Variants in ARID1B observed in about 807,000 individuals in gnomAD.
The protein encoded by ARID1B is AT-rich interactive domain-containing protein 1B.
Under a neutral mutation model 212.3 loss-of-function variants are expected in ARID1B, and 30 were observed. The ratio of observed to expected loss-of-function variants is 0.14; its 90% CI spans 0.11 to 0.19. The LOEUF (loss-of-function observed/expected upper bound fraction) is 0.19. ARID1B is among the 10% of genes least tolerant of loss of function. ARID1B has a pLI of 1.00. For missense variants in ARID1B, 2,891 were observed against 3,204.0 expected (o/e 0.90, Z 2.36); for synonymous variants, 1,402 against 1,301.7 (o/e 1.08, Z -1.66).
chr6:157,007,205 C>CT (rs1309249743), intron 4 of ARID1B, among the ~76,000 whole-genome samples: 1 of 152,186 alleles, frequency 6.6e-6, no homozygotes, highest in African/African-American at 2.4e-5. Flanking sequence ...AATGGAAATT[C>CT]TTTGAGACTA....
chr6:156,811,983 T>C (rs565427244), intron 1 of ARID1B, among the ~76,000 whole-genome samples: 1 of 152,356 alleles, frequency 6.6e-6, no homozygotes, highest in Non-Finnish European at 1.5e-5. Context: ...TCAACTAAAA[T>C]AGTGGTTGGC....
intron 12 of ARID1B, among the ~76,000 whole-genome samples, chr6:157,181,810 C>T (rs1182986054): frequency 6.6e-6 from 1 of 152,158 alleles, no homozygotes; most frequent in Non-Finnish European, 1.5e-5. Flanking sequence ...TCACTGTAGC[C>T]CTCGCTCCTT....
At chr6:157,175,122 T>C in intron 11 of ARID1B, 117 bp downstream of exon 11, 1 of 920,020 alleles carries the variant, frequency 1.1e-6, no homozygotes, top group Non-Finnish European at 1.5e-6. Context: ...AGACTTTTTC[T>C]TCATTATTTA....
intron 4 of ARID1B, among the ~76,000 whole-genome samples, chr6:157,081,993 G>T (rs930535698): frequency 1.3e-5 from 2 of 151,982 alleles, no homozygotes; most frequent in South Asian, 2.1e-4. Context: ...TCTGACTGCC[G>T]CTTGTTTATT....
At chr6:156,943,736 T>G (rs1301908942) in intron 4 of ARID1B, 4 of 152,196 alleles carry the variant, frequency 2.6e-5, no homozygotes, top group African/African-American at 9.7e-5. Flanking sequence ...AATAGCTAAT[T>G]TTTTAGAGCT....
intron 6 of ARID1B, chr6:157,111,209 T>C: frequency 6.5e-6 from 1 of 153,022 alleles, no homozygotes; most frequent in Non-Finnish European, 1.5e-5. Flanking sequence ...GCTCTTGACC[T>C]TTAGCTCAGT....
chr6:157,110,688 C>T lies in ARID1B; in HGVS notation c.2581+127C>T, dbSNP rs186984981. 954 of 917,006 alleles carry T rather than the reference C, an allele frequency of 1.0e-3. 5 individuals are homozygous for T. The highest frequency in any genetic ancestry group is 6.2e-3 in the South Asian group (396 of 64,382). 56.8% of individuals were successfully genotyped at this position (917,006 alleles called of 1,614,324 possible). A position where few individuals can be genotyped will look rare whatever the true frequency, so the allele number is the denominator to read the frequency against. On this transcript the variant is annotated intron_variant, in intron 6 of 19. Coordinates refer to ENST00000636930, the MANE Select transcript of ARID1B (RefSeq NM_001374828.1). ...AAGGATATTATGTTTTCTTATCAGA[C>T]GGAAGAAATAAAAGCCCTTCCAACA...
At chr6:156,811,051 T>C (rs1272533955) in intron 1 of ARID1B, among the ~76,000 whole-genome samples, 3 of 152,106 alleles carry the variant, frequency 2.0e-5, no homozygotes, top group African/African-American at 7.2e-5. Flanking sequence ...CTCAGACTGT[T>C]GGCAGAATTT....
chr6:157,011,695 CAG>C (rs969143651), intron 4 of ARID1B, among the ~76,000 whole-genome samples: 2 of 152,132 alleles, frequency 1.3e-5, no homozygotes, highest in African/African-American at 2.4e-5. Flanking sequence ...TGAATATTAT[CAG>C]AGGATTTGAC....
chr6:156,785,964 TTA>T (rs751795799), intron 1 of ARID1B, among the ~76,000 whole-genome samples: 6 of 152,178 alleles, frequency 3.9e-5, no homozygotes, highest in Non-Finnish European at 8.8e-5. Flanking sequence ...TCACTGCCAG[TTA>T]TGTTATTAAA....
chr6:156,912,200 TA>T, intron 3 of ARID1B, among the ~76,000 whole-genome samples: 1 of 151,856 alleles, frequency 6.6e-6, no homozygotes, highest in African/African-American at 2.4e-5. Context: ...TTGATCAAAA[TA>T]TCTAAAATGC....
At chr6:157,089,280 G>A (rs1305909491) in intron 5 of ARID1B, among the ~76,000 whole-genome samples, 2 of 151,044 alleles carry the variant, frequency 1.3e-5, no homozygotes, top group Non-Finnish European at 1.5e-5. Context: ...GTAGATAAAC[G>A]AAGCCCAGTA....
At chr6:156,792,623 G>A (rs1374411375) in intron 1 of ARID1B, among the ~76,000 whole-genome samples, 2 of 152,186 alleles carry the variant, frequency 1.3e-5, no homozygotes, top group Non-Finnish European at 2.9e-5. Context: ...GAAGGTTGTC[G>A]TTATAAGAAT....
intron 4 of ARID1B, among the ~76,000 whole-genome samples, chr6:157,012,598 C>A (rs1318078114): frequency 6.6e-6 from 1 of 152,180 alleles, no homozygotes; most frequent in Non-Finnish European, 1.5e-5. Flanking sequence ...GGTTGGTATA[C>A]TGTAGTACAA....
intron 4 of ARID1B, among the ~76,000 whole-genome samples, chr6:156,953,869 A>C (rs768660691): frequency 2.0e-5 from 3 of 152,230 alleles, no homozygotes; most frequent in African/African-American, 7.2e-5. Context: ...TAGAGTGGTT[A>C]CTGAACTATC....
intron 2 of ARID1B, among the ~76,000 whole-genome samples, chr6:156,892,416 C>T (rs1430780508): frequency 6.6e-6 from 1 of 152,042 alleles, no homozygotes; most frequent in Admixed American, 6.6e-5. Context: ...AAATTTACAT[C>T]TAGGTCTAAA....
Position 157,191,670 on chromosome 6 carries a change from G to A in ARID1B, c.4231+1460G>A, listed in dbSNP as rs147648866. Among the ~76,000 whole-genome samples, 1,053 of 152,298 alleles carry A rather than the reference G, an allele frequency of 6.9e-3. 18 individuals are homozygous for A. The highest frequency in any genetic ancestry group is 0.024 in the African/African-American group (1,003 of 41,558). On this transcript the variant is annotated intron_variant, in intron 15 of 19. Transcript: ENST00000636930. ...CTTCAGTTCTGCCCGTGGTCTACAA[G>A]CCACAAGTGGAGACTTGATATTTTG...
At chr6:156,849,644 C>A (rs904646206) in intron 2 of ARID1B, among the ~76,000 whole-genome samples, 1 of 152,120 alleles carries the variant, frequency 6.6e-6, no homozygotes, top group Non-Finnish European at 1.5e-5. Context: ...TTCATTTTCT[C>A]CTTCTTTTCT....
At chr6:157,121,105 A>G (rs1410674743) in intron 6 of ARID1B, among the ~76,000 whole-genome samples, 1 of 152,240 alleles carries the variant, frequency 6.6e-6, no homozygotes, top group Non-Finnish European at 1.5e-5. Context: ...AGGCTAAACA[A>G]GATCCATGTT....
Sources: gnomAD v4.1 joint callset for allele counts (sites outside exome capture counted in the v4.1 genomes callset) on GRCh38, gnomAD v4.1.1 for gene constraint, MANE v1.5 for transcripts, NCBI Gene and HGNC (gene_info 2026-07-23, HGNC 2026-07-21) for gene names.